Variants in KIAA1217 observed in about 807,000 individuals in gnomAD.
KIAA1217 encodes the protein sickle tail protein homolog.
A neutral mutation model predicts 163.9 loss-of-function variants in KIAA1217; 88 were observed. The observed-to-expected ratio is 0.54, with a 90% CI of 0.45 to 0.64. The LOEUF is 0.64. Among genes scored for constraint, KIAA1217 ranks in the 30% least tolerant of loss-of-function variants. KIAA1217 has a pLI of 0.00. For synonymous variants in KIAA1217, 903 were observed against 923.1 expected, an observed-to-expected ratio of 0.98 and a Z score of 0.39; for missense variants, 2,372 against 2,475.0, an observed-to-expected ratio of 0.96 and a Z score of 0.88.
In KIAA1217 at chr10:24,546,242, A is replaced by G. The variant is rs2075713363; in HGVS notation, c.5750A>G (p.His1917Arg). The stretch of plus-strand genomic sequence containing the variant: ...GGTGCCAAGGGCACCAGGACCATCC[A>G]TACTCCCAGCCTCACCAGCTACAAG... ...NQGAKGTRTIHTPSLTSYKAQ... is the reference protein window; with the variant it reads ...NQGAKGTRTIRTPSLTSYKAQ... Residue 1917 changes from histidine (H) to arginine (R), a missense_variant, in exon 21 of 21, where the codon CAT becomes CGT. Around this residue, in one of 3 missense-constraint regions of KIAA1217, gnomAD observed 690 missense variants for 677.5 expected, o/e 1.02. Transcript: ENST00000376454. 1 of 1,614,054 alleles carries G rather than the reference A, an allele frequency of 6.2e-7. No individual in the cohort carries two copies. Among genetic ancestry groups the G allele is most frequent in the African/African-American group, 1.3e-5 (1 of 74,914 alleles).
chr10:24,314,448 G>A lies in KIAA1217; in HGVS notation c.355-66421G>A, dbSNP rs530070396. ...TTAGCAGTTTCCTAAATGAGGGAGG[G>A]TATTCATGTGTGTATGCATGTATGG... On this transcript the variant is annotated intron_variant, in intron 2 of 20. Transcript: ENST00000376454. Among the ~76,000 whole-genome samples the A allele has an allele frequency of 7.2e-5, 11 of 152,286 alleles. No individual in the cohort carries two copies. The South Asian group carries it at 1.7e-3, about 23-fold the overall frequency.
intron 3 of KIAA1217, among the ~76,000 whole-genome samples, chr10:24,403,489 T>A (rs1015872888): frequency 1.3e-5 from 2 of 152,184 alleles, no homozygotes; most frequent in African/African-American, 4.8e-5. Flanking sequence ...TCCTCCCGCC[T>A]CAGCCTCCCA....
rs567579232 is a variant in KIAA1217 at position 24,368,512 on chromosome 10, G to A, written c.355-12357G>A. The stretch of plus-strand genomic sequence containing the variant: ...GGATATCTGAAATTTTTCTTGAAGT[G>A]CTTTTTTGGCATTTACAAGCATTTT... On this transcript the variant is annotated intron_variant, in intron 2 of 20. Transcript: ENST00000376454. Among the ~76,000 whole-genome samples the A allele has an allele frequency of 4.6e-5, 7 of 151,652 alleles. No homozygotes were observed. The South Asian group carries it at 1.3e-3, about 27-fold the overall frequency.
At position 24,542,689 on chromosome 10, in the gene KIAA1217, C is replaced by T; in HGVS notation, c.3535-4C>T. 1 of 1,613,540 alleles carries T rather than the reference C, an allele frequency of 6.2e-7. No homozygotes were observed. Among genetic ancestry groups the T allele is most frequent in the Middle Eastern group, 1.6e-4 (1 of 6,062 alleles). On this transcript the variant is annotated splice_polypyrimidine_tract_variant and splice_region_variant and intron_variant, in intron 17 of 20. Coordinates refer to ENST00000376454, the MANE Select transcript of KIAA1217 (RefSeq NM_019590.5). ...GAGTAACATGTCCTACACTATTCTA[C>T]CAGAATTTGGAATTTTTCCATGAAG...
At chr10:24,513,157 G>A (rs111757251) in intron 9 of KIAA1217, 102 bp from the exon 10 acceptor site, 29 of 1,007,804 alleles carry the variant, frequency 2.9e-5, no homozygotes, top group East Asian at 4.8e-5. Context: ...AGATTCAGCC[G>A]CAGGGCTGTC....
chr10:24,521,038 A>AG (rs1432490392), intron 11 of KIAA1217, among the ~76,000 whole-genome samples: 1 of 149,318 alleles, frequency 6.7e-6, no homozygotes, highest in Non-Finnish European at 1.5e-5. Context: ...AAAAAAAAAA[A>AG]AAAGTTTTTT....
intron 1 of KIAA1217, among the ~76,000 whole-genome samples, chr10:23,931,063 T>G (rs979966382): frequency 6.6e-6 from 1 of 152,212 alleles, no homozygotes; most frequent in Admixed American, 6.5e-5. Flanking sequence ...TCTATAATTT[T>G]CTATAGTTCC....
intron 1 of KIAA1217, among the ~76,000 whole-genome samples, chr10:23,758,907 G>C (rs1834088500): frequency 6.6e-6 from 1 of 151,408 alleles, no homozygotes; most frequent in Admixed American, 6.6e-5. Context: ...GGCTGGTCTT[G>C]AACTTCTGAC....
chr10:24,316,533 C>T (rs117442356), intron 2 of KIAA1217, among the ~76,000 whole-genome samples: 5 of 152,238 alleles, frequency 3.3e-5, no homozygotes, highest in African/African-American at 1.2e-4. Flanking sequence ...TCCCCAGTGA[C>T]CCATGTCCAC....
chr10:24,064,027 T>G (rs1472468744), intron 2 of KIAA1217, among the ~76,000 whole-genome samples: 2 of 152,196 alleles, frequency 1.3e-5, no homozygotes, highest in African/African-American at 2.4e-5. Context: ...CTTATCAGCT[T>G]AAGGAGATTT....
intron 3 of KIAA1217, among the ~76,000 whole-genome samples, chr10:24,417,130 G>A (rs1179767432): frequency 6.6e-6 from 1 of 151,978 alleles, no homozygotes; most frequent in Non-Finnish European, 1.5e-5. Context: ...AGAGCTCCAA[G>A]ATGAAGGCCA....
chr10:24,108,674 T>C (rs2062723008), intron 2 of KIAA1217, among the ~76,000 whole-genome samples: 1 of 152,176 alleles, frequency 6.6e-6, no homozygotes, highest in Non-Finnish European at 1.5e-5. Context: ...AAGCAGCTAT[T>C]ATTGTCATGT....
intron 3 of KIAA1217, among the ~76,000 whole-genome samples, chr10:24,422,253 G>A (rs2058792582): frequency 1.3e-5 from 2 of 152,170 alleles, no homozygotes; most frequent in South Asian, 4.1e-4. Context: ...TTCAAGATAA[G>A]ATTTGGCTGG....
chr10:24,349,826 T>C (rs1039808299), intron 2 of KIAA1217, among the ~76,000 whole-genome samples: 2 of 152,244 alleles, frequency 1.3e-5, no homozygotes, highest in Non-Finnish European at 2.9e-5. Context: ...GTAGAGATTG[T>C]TGGCAAGTTC....
At chr10:24,501,219 A>G (rs1195441790) in intron 8 of KIAA1217, among the ~76,000 whole-genome samples, 160 bp from the exon 9 acceptor site, 6 of 152,202 alleles carry the variant, frequency 3.9e-5, no homozygotes, top group Non-Finnish European at 8.8e-5. Flanking sequence ...ATCATTGCAC[A>G]CTGCATACCA....
intron 1 of KIAA1217, among the ~76,000 whole-genome samples, chr10:23,864,390 C>T (rs1316650851): frequency 1.3e-5 from 2 of 151,976 alleles, no homozygotes; most frequent in Admixed American, 1.3e-4. Context: ...CAATTGATCC[C>T]TGTAAAATTT....
At chr10:24,105,079 T>C (rs117724309) in intron 2 of KIAA1217, among the ~76,000 whole-genome samples, 3,582 of 152,106 alleles carry the variant, frequency 0.024, 58 homozygotes, top group South Asian at 0.051. Flanking sequence ...ATGATGATGA[T>C]GATGATGATG....
intron 3 of KIAA1217, among the ~76,000 whole-genome samples, chr10:24,391,221 C>G (rs1206287416): frequency 2.6e-5 from 4 of 151,782 alleles, no homozygotes; most frequent in Admixed American, 6.6e-5. Context: ...AACCCTCAGG[C>G]ACCATTATTT....
At chr10:24,180,557 C>G (rs926624437) in intron 2 of KIAA1217, among the ~76,000 whole-genome samples, 1 of 152,140 alleles carries the variant, frequency 6.6e-6, no homozygotes, top group Non-Finnish European at 1.5e-5. Context: ...ATACTCATCT[C>G]TCTGTAATAC....
Sources: allele counts gnomAD v4.1 joint callset (sites outside exome capture counted in the v4.1 genomes callset), GRCh38; gene constraint gnomAD v4.1.1; regional missense constraint gnomAD v4.1.1; transcripts MANE v1.5; gene names NCBI Gene and HGNC (gene_info 2026-07-23, HGNC 2026-07-21).